The following PRKD1 variants were observed in gnomAD, a reference collection of about 807,000 sequenced individuals.
PRKD1 encodes the protein serine/threonine-protein kinase D1.
Under a neutral mutation model 95.9 loss-of-function variants are expected in PRKD1, and 63 were observed. That is an observed-to-expected ratio of 0.66 (90% CI 0.54 to 0.81). The LOEUF is 0.81. PRKD1 is among the 30% of genes least tolerant of loss of function. PRKD1 has a pLI of 0.00. For synonymous variants in PRKD1, 425 were observed against 423.1 expected (o/e 1.00, Z -0.05); for missense variants, 1,048 against 1,165.3 (o/e 0.90, Z 1.47).
intron 16 of PRKD1, among the ~76,000 whole-genome samples, chr14:29,588,056 T>C (rs1015568332): frequency 2.0e-5 from 3 of 152,214 alleles, no homozygotes; most frequent in African/African-American, 7.2e-5. Flanking sequence ...ATCTATTCAT[T>C]AATATTCAGC....
chr14:29,643,630 T>A (rs780455997), intron 4 of PRKD1, among the ~76,000 whole-genome samples: 2 of 152,222 alleles, frequency 1.3e-5, no homozygotes, highest in Non-Finnish European at 2.9e-5. Context: ...TGCCAGCATG[T>A]CTTTAAACAT....
chr14:29,734,500 T>C (rs1393951563), intron 1 of PRKD1, among the ~76,000 whole-genome samples: 2 of 152,164 alleles, frequency 1.3e-5, no homozygotes, highest in Non-Finnish European at 2.9e-5. Flanking sequence ...TTTTTAAGCT[T>C]TGTTAGGACA....
chr14:29,895,749 C>A (rs10146470), intron 1 of PRKD1, among the ~76,000 whole-genome samples: 1,643 of 152,274 alleles, frequency 0.011, 29 homozygotes, highest in African/African-American at 0.038. Flanking sequence ...ACACTCTCCA[C>A]CGACATGTCC....
At chr14:29,599,458 T>C (rs1000674775) in intron 14 of PRKD1, among the ~76,000 whole-genome samples, 198 bp downstream of exon 14, 1 of 152,156 alleles carries the variant, frequency 6.6e-6, no homozygotes, top group Non-Finnish European at 1.5e-5. Flanking sequence ...CCTGCAAACA[T>C]GTTACTAATT....
At chr14:29,710,077 A>G (rs1318035994) in intron 2 of PRKD1, among the ~76,000 whole-genome samples, 3 of 152,206 alleles carry the variant, frequency 2.0e-5, no homozygotes, top group Non-Finnish European at 4.4e-5. Context: ...AAGAAGCACT[A>G]GAATTCATGT....
chr14:29,648,362 A>C (rs2139167951), intron 4 of PRKD1, among the ~76,000 whole-genome samples: 1 of 150,730 alleles, frequency 6.6e-6, no homozygotes, highest in African/African-American at 2.4e-5. Context: ...GGTTAAGGCC[A>C]TGATTTGAGT....
chr14:29,609,504 G>A (rs72675582), intron 13 of PRKD1, among the ~76,000 whole-genome samples: 77,897 of 123,506 alleles, frequency 0.63, 21,453 homozygotes, highest in East Asian at 0.75. Context: ...GTGTGTGTGC[G>A]TGCACACACA....
At position 29,630,958 on chromosome 14, in the gene PRKD1, C is replaced by T. The variant is rs142868862; in HGVS notation, c.1456G>A (p.Gly486Arg). The T allele has an allele frequency of 1.6e-4, 259 of 1,613,754 alleles. No individual in the cohort carries two copies. Among genetic ancestry groups the T allele is most frequent in the Non-Finnish European group, 2.1e-4 (250 of 1,179,882 alleles). Reference sequence around the variant, plus strand: ...ATTTCGAAACAATGAGGATTGGCCCCATTAGGAATTAAAGCTGAAGTTTTT... The same window carrying T: ...ATTTCGAAACAATGAGGATTGGCCCTATTAGGAATTAAAGCTGAAGTTTTT... Reference protein sequence around the residue: ...PVKTSALIPNGANPHCFEITT... With the variant: ...PVKTSALIPNRANPHCFEITT... Residue 486 changes from glycine (G) to arginine (R), a missense_variant, in exon 10 of 18, where the codon GGG becomes AGG. Gly to Arg is a moderately radical substitution (Grantham distance 125, BLOSUM62 -2). This residue lies in a region of PRKD1 where 739 missense variants were observed against 861.9 expected (regional missense o/e 0.86). Transcript: ENST00000331968.
intron 1 of PRKD1, among the ~76,000 whole-genome samples, chr14:29,914,088 G>A: frequency 6.6e-6 from 1 of 152,142 alleles, no homozygotes; most frequent in East Asian, 1.9e-4. Flanking sequence ...CGTTAGAATC[G>A]AACTGAATTG....
chr14:29,839,646 C>T (rs1355489170), intron 1 of PRKD1, among the ~76,000 whole-genome samples: 1 of 151,966 alleles, frequency 6.6e-6, no homozygotes, highest in Admixed American at 6.6e-5. Flanking sequence ...AGGGCCCTGC[C>T]CTGAAGCAAA....
intron 1 of PRKD1, among the ~76,000 whole-genome samples, chr14:29,749,072 A>G (rs1887360758): frequency 6.6e-6 from 1 of 152,224 alleles, no homozygotes; most frequent in South Asian, 2.1e-4. Context: ...GGAATAAAAA[A>G]GACTGTATTG....
At chr14:29,745,851 C>T (rs1245249942) in intron 1 of PRKD1, among the ~76,000 whole-genome samples, 3 of 152,138 alleles carry the variant, frequency 2.0e-5, no homozygotes, top group African/African-American at 7.2e-5. Context: ...GTTCAGGCTC[C>T]TTGTATCTGG....
chr14:29,885,753 G>C (rs957297747), intron 1 of PRKD1, among the ~76,000 whole-genome samples: 2 of 142,516 alleles, frequency 1.4e-5, no homozygotes, highest in Non-Finnish European at 3.0e-5. Flanking sequence ...GATCACTTCA[G>C]GTCAGGAGTT....
chr14:29,739,982 G>C (rs1408696233), intron 1 of PRKD1, among the ~76,000 whole-genome samples: 2 of 152,110 alleles, frequency 1.3e-5, no homozygotes, highest in Non-Finnish European at 2.9e-5. Context: ...TAATTTTTAA[G>C]TTTTAAAATA....
At chr14:29,727,794 A>G (rs1417873953) in intron 1 of PRKD1, among the ~76,000 whole-genome samples, 3 of 151,904 alleles carry the variant, frequency 2.0e-5, no homozygotes, top group Non-Finnish European at 4.4e-5. Context: ...GATTAAGACA[A>G]TGTGGCACAT....
intron 4 of PRKD1, among the ~76,000 whole-genome samples, chr14:29,646,533 TTAGATAGA>T (rs3837586): frequency 0.4 from 60,409 of 149,964 alleles, 12,440 homozygotes; most frequent in South Asian, 0.5. Flanking sequence ...CTCACAAAAA[TTAGATAGA>T]TAGATAGATA....
chr14:29,707,639 G>T lies in PRKD1; in HGVS notation c.403+17897C>A, dbSNP rs1051607951. Among the ~76,000 whole-genome samples, 3 of 152,134 alleles carry T rather than the reference G, an allele frequency of 2.0e-5. No homozygotes were observed. In the East Asian group the frequency reaches 5.8e-4, roughly 29 times the overall value. On this transcript the variant is annotated intron_variant, in intron 2 of 17. Coordinates refer to ENST00000331968, the MANE Select transcript of PRKD1 (RefSeq NM_002742.3). The stretch of plus-strand genomic sequence containing the variant: ...CTCTCCTATCAGTTTCTTCCCTGAT[G>T]CAACCAAAGAACTGCTAACCATTTC...
chr14:29,841,146 C>T (rs990370196), intron 1 of PRKD1, among the ~76,000 whole-genome samples: 6 of 152,162 alleles, frequency 3.9e-5, no homozygotes, highest in African/African-American at 7.2e-5. Flanking sequence ...ATTGTATCAA[C>T]GAAGTAACTA....
chr14:29,590,905 A>G (rs532012884), intron 16 of PRKD1, among the ~76,000 whole-genome samples: 1 of 152,200 alleles, frequency 6.6e-6, no homozygotes, highest in Admixed American at 6.5e-5. Context: ...CAGCCTATCG[A>G]GTAGCTGGGA....
Sources: gnomAD v4.1 joint callset for allele counts (sites outside exome capture counted in the v4.1 genomes callset) on GRCh38, gnomAD v4.1.1 for gene constraint, gnomAD v4.1.1 regional missense constraint, MANE v1.5 for transcripts, NCBI Gene and HGNC (gene_info 2026-07-23, HGNC 2026-07-21) for gene names.